CPAP: variants seen among roughly 807,000 people sequenced by gnomAD.
The protein encoded by CPAP is centrosomal P4.1-associated protein.
chr13:24,893,468 G>A, the CPAP span, among the ~76,000 whole-genome samples: 2 of 152,246 alleles, frequency 1.3e-5, no homozygotes, highest in East Asian at 3.9e-4. Flanking sequence ...GCCCATCAGT[G>A]GTGAGGCAGC....
At chr13:24,904,538 T>C in the CPAP span, among the ~76,000 whole-genome samples, 3 of 152,208 alleles carry the variant, frequency 2.0e-5, no homozygotes, top group Non-Finnish European at 4.4e-5. Context: ...AGTACTTTTT[T>C]AGAAACTAAA....
chr13:24,924,780 T>C, the CPAP span: 1 of 152,210 alleles, frequency 6.6e-6, no homozygotes. Flanking sequence ...GAGTCCAGGA[T>C]TTATCAGGCA....
the CPAP span, among the ~76,000 whole-genome samples, chr13:24,916,624 A>C: frequency 6.6e-6 from 1 of 152,246 alleles, no homozygotes; most frequent in Non-Finnish European, 1.5e-5. Flanking sequence ...TCTTTTGTGA[A>C]GTACTTACTG....
chr13:24,895,896 G>A, the CPAP span, among the ~76,000 whole-genome samples: 2 of 152,156 alleles, frequency 1.3e-5, no homozygotes, highest in Non-Finnish European at 2.9e-5. Flanking sequence ...TAGTACATAA[G>A]GGGTTCTCAA....
the CPAP span, among the ~76,000 whole-genome samples, chr13:24,929,789 C>A: frequency 4.6e-5 from 7 of 151,748 alleles, no homozygotes; most frequent in Non-Finnish European, 1.0e-4. Flanking sequence ...ATCTTTTGGA[C>A]TTTGTTCTTC....
the CPAP span, among the ~76,000 whole-genome samples, chr13:24,898,902 G>T: frequency 5.6e-3 from 849 of 152,252 alleles, 8 homozygotes; most frequent in African/African-American, 0.019. Flanking sequence ...TCTTCTCTTA[G>T]TAATCTTCGT....
the CPAP span, among the ~76,000 whole-genome samples, chr13:24,895,477 C>CT: frequency 6.6e-6 from 1 of 152,066 alleles, no homozygotes; most frequent in Non-Finnish European, 1.5e-5. Flanking sequence ...ACTGGGGAGG[C>CT]TGAGGCAGGA....
chr13:24,883,370 CTG>C, the CPAP span: 2 of 1,585,922 alleles, frequency 1.3e-6, no homozygotes, highest in African/African-American at 2.7e-5. Context: ...GTTGCCATCA[CTG>C]TAAAATTTAA....
chr13:24,915,136 G>A, the CPAP span, among the ~76,000 whole-genome samples: 28 of 152,120 alleles, frequency 1.8e-4, no homozygotes, highest in African/African-American at 6.7e-4. Context: ...ACTCTCATAT[G>A]ACCAAACTAT....
At chr13:24,891,018 G>A in the CPAP span, among the ~76,000 whole-genome samples, 1 of 151,380 alleles carries the variant, frequency 6.6e-6, no homozygotes, top group African/African-American at 2.4e-5. Context: ...TTAATTTACT[G>A]CAAAACTATT....
the CPAP span, among the ~76,000 whole-genome samples, chr13:24,921,303 C>T: frequency 6.6e-6 from 1 of 152,206 alleles, no homozygotes; most frequent in South Asian, 2.1e-4. Flanking sequence ...AATGAACTTT[C>T]TCGAAGAGCG....
At chr13:24,893,393 G>A in the CPAP span, among the ~76,000 whole-genome samples, 4 of 152,246 alleles carry the variant, frequency 2.6e-5, no homozygotes, top group Non-Finnish European at 5.9e-5. Flanking sequence ...GAAGCAATTC[G>A]AGATCACGTG....
the CPAP span, among the ~76,000 whole-genome samples, chr13:24,907,685 T>C: frequency 6.6e-6 from 1 of 152,176 alleles, no homozygotes; most frequent in Non-Finnish European, 1.5e-5. Context: ...ATAATGCAAT[T>C]ATAATTGATA....
the CPAP span, chr13:24,905,546 A>G: frequency 1.2e-5 from 19 of 1,613,966 alleles, no homozygotes; most frequent in African/African-American, 2.0e-4. Flanking sequence ...CAGGATACCT[A>G]TTTCATTATT....
the CPAP span, among the ~76,000 whole-genome samples, chr13:24,931,435 AC>A: frequency 6.6e-6 from 1 of 151,226 alleles, no homozygotes; most frequent in South Asian, 2.1e-4. Flanking sequence ...CTTAGACAAC[AC>A]TATAGAGTAG....
the CPAP span, among the ~76,000 whole-genome samples, chr13:24,929,117 G>A: frequency 1.6e-4 from 25 of 152,230 alleles, no homozygotes; most frequent in South Asian, 5.2e-3. Flanking sequence ...GGGCTGGAGG[G>A]CAGTGGCATA....
At chr13:24,926,778 G>A in the CPAP span, among the ~76,000 whole-genome samples, 10 of 152,158 alleles carry the variant, frequency 6.6e-5, no homozygotes, top group Admixed American at 4.6e-4. Context: ...AGATCAACAC[G>A]GCAATCAGGT....
At chr13:24,915,111 TAAA>T in the CPAP span, among the ~76,000 whole-genome samples, 6 of 151,990 alleles carry the variant, frequency 3.9e-5, no homozygotes, top group Admixed American at 6.6e-5. Context: ...AATAAATTAA[TAAA>T]AAGCAATTCT....
At chr13:24,900,659 G>A in the CPAP span, among the ~76,000 whole-genome samples, 2 of 152,116 alleles carry the variant, frequency 1.3e-5, no homozygotes, top group South Asian at 2.1e-4. Context: ...AAAGAGGAAG[G>A]AGGCCTTGAT....
Sources: allele counts gnomAD v4.1 joint callset (sites outside exome capture counted in the v4.1 genomes callset), GRCh38; gene constraint gnomAD v4.1.1; transcripts MANE v1.5; gene names NCBI Gene and HGNC (gene_info 2026-07-23, HGNC 2026-07-21).